EYS: variants seen among roughly 807,000 people sequenced by gnomAD.
The protein encoded by EYS is EGF-like photoreceptor maintenance factor.
A neutral mutation model predicts 282.1 loss-of-function variants in EYS; 250 were observed. That is an observed-to-expected ratio of 0.89 (90% CI 0.80 to 0.98). EYS has a LOEUF of 0.98. Among genes scored for constraint, EYS ranks in the 50% least tolerant of loss-of-function variants. EYS has a pLI of 0.00. For synonymous variants in EYS, 1,355 were observed against 1,282.9 expected, an observed-to-expected ratio of 1.06 and a Z score of -1.20; for missense variants, 4,016 against 3,709.0, an observed-to-expected ratio of 1.08 and a Z score of -2.15.
At chr6:64,345,863 T>A (rs920405533) in intron 29 of EYS, among the ~76,000 whole-genome samples, 1 of 150,622 alleles carries the variant, frequency 6.6e-6, no homozygotes, top group Admixed American at 6.6e-5. Context: ...AAGAAAAAAA[T>A]AAAAAACCCT....
At chr6:64,103,144 A>T (rs1385355316) in intron 31 of EYS, among the ~76,000 whole-genome samples, 3 of 152,186 alleles carry the variant, frequency 2.0e-5, no homozygotes, top group Admixed American at 2.0e-4. Flanking sequence ...AAACTCCTAG[A>T]GGAAGAATAT....
intron 12 of EYS, among the ~76,000 whole-genome samples, chr6:65,143,138 C>G (rs1487192330): frequency 6.6e-6 from 1 of 151,860 alleles, no homozygotes; most frequent in Non-Finnish European, 1.5e-5. Flanking sequence ...TGTCCACACA[C>G]CCGAGAATGA....
chr6:63,846,832 CTTTGGGGTCAATAAAAAAAAT>C (rs1322443506), intron 36 of EYS, among the ~76,000 whole-genome samples: 1 of 152,124 alleles, frequency 6.6e-6, no homozygotes, highest in Non-Finnish European at 1.5e-5. Context: ...ATTTGTCTGT[CTTTGGGGTCAATAAAAAAAAT>C]TTAAAATATA....
chr6:64,488,003 G>A (rs1274727434), intron 26 of EYS, among the ~76,000 whole-genome samples: 1 of 150,948 alleles, frequency 6.6e-6, no homozygotes, highest in Non-Finnish European at 1.5e-5. Flanking sequence ...ATGGCAACAT[G>A]AGATTTTCTA....
chr6:64,234,917 C>A (rs1404695306), intron 30 of EYS, among the ~76,000 whole-genome samples: 2 of 151,342 alleles, frequency 1.3e-5, no homozygotes, highest in East Asian at 2.0e-4. Flanking sequence ...CTCGCTCTGT[C>A]ACCCAGGCTG....
At chr6:64,556,497 C>A (rs1316254099) in intron 26 of EYS, among the ~76,000 whole-genome samples, 4 of 151,894 alleles carry the variant, frequency 2.6e-5, no homozygotes, top group Admixed American at 1.3e-4. Context: ...TTATTGACTA[C>A]ACAAAGGCAT....
At chr6:64,097,106 T>C (rs1013916315) in intron 31 of EYS, among the ~76,000 whole-genome samples, 1 of 152,158 alleles carries the variant, frequency 6.6e-6, no homozygotes, top group African/African-American at 2.4e-5. Flanking sequence ...TGATGGTTCC[T>C]CTGGAAGTTT....
At position 65,006,520 on chromosome 6, in the gene EYS, A is replaced by AAG. The variant is rs1276592403; in HGVS notation, c.2138-8818_2138-8817insCT. ...TTCTAAGTCAAAAAAAAAAAAAAAA[A>AAG]AAAGCAAAAAGGTAGCTTTCTAACT... On this transcript the variant is annotated intron_variant, in intron 13 of 42. Coordinates refer to ENST00000503581, the MANE Select transcript of EYS (RefSeq NM_001142800.2). Among the ~76,000 whole-genome samples, 17 of 135,160 alleles carry AAG rather than the reference A, an allele frequency of 1.3e-4. No individual in the cohort carries two copies. The South Asian group carries it at 3.2e-3, about 25-fold the overall frequency. The allele number at this position is 135,160 out of a possible 152,430, so 88.7% of individuals were successfully genotyped here.
At chr6:64,879,100 G>A (rs1766838727) in intron 19 of EYS, among the ~76,000 whole-genome samples, 1 of 152,024 alleles carries the variant, frequency 6.6e-6, no homozygotes. Flanking sequence ...TGGCTTTTTT[G>A]AACAGAACTA....
At chr6:65,527,212 CAAGT>C (rs1044223492) in intron 2 of EYS, among the ~76,000 whole-genome samples, 3 of 152,094 alleles carry the variant, frequency 2.0e-5, no homozygotes, top group African/African-American at 7.2e-5. Context: ...TGGTTAACCC[CAAGT>C]AACTCTAGAA....
chr6:64,584,416 T>C (rs187513810), intron 26 of EYS, among the ~76,000 whole-genome samples: 1 of 151,608 alleles, frequency 6.6e-6, no homozygotes, highest in East Asian at 1.9e-4. Flanking sequence ...AATATAATAT[T>C]TAATATATCA....
At chr6:64,603,079 C>G (rs1365087213) in intron 24 of EYS, among the ~76,000 whole-genome samples, 1 of 152,012 alleles carries the variant, frequency 6.6e-6, no homozygotes, top group Non-Finnish European at 1.5e-5. Flanking sequence ...ATCATGGATG[C>G]TAATCTTCCA....
At chr6:64,989,804 AC>A (rs1771001802) in intron 14 of EYS, among the ~76,000 whole-genome samples, 2 of 50,396 alleles carry the variant, frequency 4.0e-5, no homozygotes, top group Non-Finnish European at 6.6e-5. Context: ...ATTCATACAC[AC>A]ACACACACAC....
chr6:65,470,398 G>T (rs1467830163), intron 5 of EYS, among the ~76,000 whole-genome samples: 2 of 152,026 alleles, frequency 1.3e-5, no homozygotes, highest in Admixed American at 6.6e-5. Flanking sequence ...TCAATAAATA[G>T]AACTTATTAT....
chr6:64,646,567 G>C (rs941677489), intron 22 of EYS, among the ~76,000 whole-genome samples: 1 of 152,062 alleles, frequency 6.6e-6, no homozygotes, highest in African/African-American at 2.4e-5. Context: ...ACTTTGGGAG[G>C]CTGAGGCGGG....
intron 1 of EYS, among the ~76,000 whole-genome samples, chr6:65,689,959 A>G (rs940439545): frequency 3.3e-5 from 5 of 149,914 alleles, no homozygotes; most frequent in African/African-American, 1.2e-4. Context: ...AGTACCAACA[A>G]TGCACTGGAT....
At chr6:65,123,075 A>G (rs1775611791) in intron 12 of EYS, among the ~76,000 whole-genome samples, 1 of 152,132 alleles carries the variant, frequency 6.6e-6, no homozygotes, top group South Asian at 2.1e-4. Flanking sequence ...TCATATAAAT[A>G]AAGGGAAACT....
chr6:65,379,417 C>T (rs775998303), intron 8 of EYS, among the ~76,000 whole-genome samples: 8 of 151,922 alleles, frequency 5.3e-5, no homozygotes, highest in East Asian at 1.9e-4. Context: ...AATTCAACAC[C>T]GCTTCATGCT....
In EYS at chr6:64,751,441, G is replaced by A. The variant is rs546518476; in HGVS notation, c.3443+61937C>T. 2.6e-5 allele frequency among the ~76,000 whole-genome samples: 4 copies of A among 152,256 alleles called. No individual in the cohort carries two copies. In the South Asian group the frequency reaches 8.3e-4, roughly 32 times the overall value. On this transcript the variant is annotated intron_variant, in intron 22 of 42. Coordinates refer to ENST00000503581, the MANE Select transcript of EYS (RefSeq NM_001142800.2). The stretch of plus-strand genomic sequence containing the variant: ...CGGGCACAAGTCTGGGTGTTGAATG[G>A]CTGCCCCCGGACTCCTCATTGGAGC...
Sources: allele counts gnomAD v4.1 joint callset (sites outside exome capture counted in the v4.1 genomes callset), GRCh38; gene constraint gnomAD v4.1.1; transcripts MANE v1.5; gene names NCBI Gene and HGNC (gene_info 2026-07-23, HGNC 2026-07-21).